Variants in TNIP3 observed in about 807,000 individuals in gnomAD.
TNIP3 encodes TNFAIP3-interacting protein 3.
Under a neutral mutation model 54.1 loss-of-function variants are expected in TNIP3, and 34 were observed. The observed-to-expected ratio is 0.63, with a 90% CI of 0.48 to 0.84. TNIP3 has a LOEUF of 0.84. TNIP3 is among the 40% of genes least tolerant of loss of function. The pLI, the probability that TNIP3 is intolerant of heterozygous loss-of-function variation, is 0.00. For missense variants in TNIP3, 366 were observed against 387.6 expected (o/e 0.94, Z 0.47); for synonymous variants, 134 against 136.8 (o/e 0.98, Z 0.14).
rs116831596 is a variant in TNIP3, at chr4:121,175,011, C to G, written c.189+7665G>C. 8.0e-3 allele frequency among the ~76,000 whole-genome samples: 1,214 copies of G among 152,294 alleles called. 17 individuals are homozygous for G. The highest frequency in any genetic ancestry group is 0.028 in the African/African-American group (1,150 of 41,558). On this transcript the variant is annotated intron_variant, in intron 3 of 12. Coordinates refer to the TNIP3 transcript ENST00000507879. The stretch of plus-strand genomic sequence containing the variant: ...CTTGGGTTGAGATGTCCCTAGGAGA[C>G]ATCCACATCCTGTCACAAAGTTAAA...
chr4:121,198,097 T>C (rs1317028408), intron 2 of TNIP3, among the ~76,000 whole-genome samples: 8 of 151,838 alleles, frequency 5.3e-5, no homozygotes, highest in Admixed American at 5.2e-4. Flanking sequence ...TGGGTGAGTA[T>C]AAATATTTGT....
chr4:121,190,762 T>A (rs1725264385), intron 2 of TNIP3, among the ~76,000 whole-genome samples: 1 of 152,208 alleles, frequency 6.6e-6, no homozygotes, highest in African/African-American at 2.4e-5. Flanking sequence ...AACCGAAGTG[T>A]TGAGCTCAAT....
chr4:121,216,120 A>G (rs1726776602), intron 2 of TNIP3, among the ~76,000 whole-genome samples: 1 of 152,186 alleles, frequency 6.6e-6, no homozygotes, highest in South Asian at 2.1e-4. Flanking sequence ...AAATTTGTGC[A>G]ATTACAGAAA....
chr4:121,142,789 C>G lies in TNIP3; in HGVS notation c.736-13G>C, dbSNP rs2148798455. The G allele has an allele frequency of 1.2e-6, 2 of 1,608,434 alleles. No individual in the cohort carries two copies. The highest frequency in any genetic ancestry group is 1.7e-4 in the Middle Eastern group (1 of 6,028). On this transcript the variant is annotated splice_polypyrimidine_tract_variant and intron_variant, in intron 7 of 10. Coordinates refer to ENST00000057513, the MANE Select transcript of TNIP3 (RefSeq NM_024873.6). ...GACAAGCTTTTATCTAAAGACAAAA[C>G]AAAGGCATTTGTTAATCAAGACAAG... is the stretch of plus-strand genomic sequence containing the variant.
At chr4:121,151,108 A>G (rs989042148) in intron 5 of TNIP3, among the ~76,000 whole-genome samples, 3 of 152,238 alleles carry the variant, frequency 2.0e-5, no homozygotes, top group African/African-American at 4.8e-5. Flanking sequence ...TAAGTTCAAT[A>G]AAAATTACTT....
Position 121,132,419 on chromosome 4 carries a change from G to T in TNIP3, c.*212C>A. Reference sequence around the variant, plus strand: ...TCAAGGAAACTGGAAGTTGTATTTGGTTGTATAATAACTGGCTCCTCCAAT... The same window carrying T: ...TCAAGGAAACTGGAAGTTGTATTTGTTTGTATAATAACTGGCTCCTCCAAT... On this transcript the variant is annotated 3_prime_UTR_variant, in exon 11 of 11. Transcript: ENST00000057513. The T allele has an allele frequency of 2.1e-6, 1 of 472,234 alleles. No homozygotes were observed. The highest frequency in any genetic ancestry group is 2.0e-5 in the African/African-American group (1 of 50,358). 29.3% of individuals were successfully genotyped at this position (472,234 alleles called of 1,614,324 possible).
chr4:121,207,969 T>A (rs1726274697), intron 2 of TNIP3, among the ~76,000 whole-genome samples: 1 of 152,184 alleles, frequency 6.6e-6, no homozygotes. Context: ...CTTGTGGTAG[T>A]AAATACGTCT....
chr4:121,158,032 C>T (rs139853574), intron 3 of TNIP3, among the ~76,000 whole-genome samples: 199 of 152,322 alleles, frequency 1.3e-3, no homozygotes, highest in African/African-American at 4.5e-3. Flanking sequence ...TATTACAATA[C>T]TCATGGTCAA....
In TNIP3 at chr4:121,154,679, T is replaced by C; in HGVS notation, c.364A>G (p.Lys122Glu). 6.2e-7 allele frequency: 1 copy of C among 1,603,618 alleles called. No individual in the cohort carries two copies. The highest frequency in any genetic ancestry group is 1.3e-5 in the African/African-American group (1 of 74,202). ...TCTTCATTTAGGCGTTCCTTTTCCT[T>C]CTGAAGTTAAGACCAAGAAAAGAAA... ...LTRDRLQREE[K>E]EKERLNEELH... Residue 122 changes from lysine (K) to glutamate (E), a missense_variant and splice_region_variant, in exon 5 of 11, where the codon AAG becomes GAG. Transcript: ENST00000057513.
At chr4:121,224,678 T>C (rs1421590606) in intron 1 of TNIP3, among the ~76,000 whole-genome samples, 1 of 152,252 alleles carries the variant, frequency 6.6e-6, no homozygotes, top group Non-Finnish European at 1.5e-5. Flanking sequence ...TTTTTTTCTG[T>C]TAAATGATTT....
chr4:121,157,350 C>T (rs1183600344), intron 3 of TNIP3, 107 bp from the exon 4 acceptor site: 3 of 1,436,146 alleles, frequency 2.1e-6, no homozygotes, highest in Non-Finnish European at 2.9e-6. Context: ...CACCCCAGGA[C>T]GTCCCCTAAG....
At chr4:121,189,992 G>C (rs1305951563) in intron 2 of TNIP3, among the ~76,000 whole-genome samples, 1 of 152,160 alleles carries the variant, frequency 6.6e-6, no homozygotes, top group Non-Finnish European at 1.5e-5. Flanking sequence ...AGCAGAGATA[G>C]AGTGCAGCTG....
At chr4:121,207,939 G>A (rs983510232) in intron 2 of TNIP3, among the ~76,000 whole-genome samples, 4 of 152,154 alleles carry the variant, frequency 2.6e-5, no homozygotes, top group African/African-American at 9.7e-5. Context: ...AATGATGGGG[G>A]TGGTTTCCCC....
intron 3 of TNIP3, among the ~76,000 whole-genome samples, chr4:121,176,283 A>G (rs1724327053): frequency 6.6e-6 from 1 of 152,240 alleles, no homozygotes. Flanking sequence ...TCACTGCCTG[A>G]GAACATGCAG....
chr4:121,210,768 G>A (rs1726438362), intron 2 of TNIP3, among the ~76,000 whole-genome samples: 1 of 152,068 alleles, frequency 6.6e-6, no homozygotes, highest in Admixed American at 6.6e-5. Flanking sequence ...TTGTACCAGA[G>A]CCCCACCCTT....
intron 1 of TNIP3, 44 bp downstream of exon 1, chr4:121,164,016 A>G (rs578134339): frequency 6.3e-7 from 1 of 1,599,006 alleles, no homozygotes; most frequent in African/African-American, 1.3e-5. Context: ...AAATGCCATC[A>G]ATGCTAGATG....
intron 1 of TNIP3, among the ~76,000 whole-genome samples, chr4:121,226,225 A>C: frequency 6.6e-6 from 1 of 151,974 alleles, no homozygotes; most frequent in Non-Finnish European, 1.5e-5. Flanking sequence ...ACAGAGGCAG[A>C]GGTACACATA....
chr4:121,205,196 T>G (rs527640395), intron 2 of TNIP3, among the ~76,000 whole-genome samples: 83 of 152,264 alleles, frequency 5.5e-4, no homozygotes, highest in African/African-American at 1.9e-3. Context: ...AGGTGGGACT[T>G]ATTGAAAGGT....
At chr4:121,169,174 A>C (rs562417571), upstream of TNIP3, among the ~76,000 whole-genome samples, 1 of 152,266 alleles carries the variant, frequency 6.6e-6, no homozygotes, top group South Asian at 2.1e-4. Flanking sequence ...TATAGTGGCA[A>C]GGTCCTGCAC....
Sources: gnomAD v4.1 joint callset for allele counts (sites outside exome capture counted in the v4.1 genomes callset) on GRCh38, gnomAD v4.1.1 for gene constraint, MANE v1.5 for transcripts, NCBI Gene and HGNC (gene_info 2026-07-23, HGNC 2026-07-21) for gene names.